PDHX: variants seen among roughly 807,000 people sequenced by gnomAD.
The protein encoded by PDHX is pyruvate dehydrogenase protein X component, mitochondrial.
A neutral mutation model predicts 55.3 loss-of-function variants in PDHX; 33 were observed. The observed-to-expected ratio is 0.60, with a 90% CI of 0.45 to 0.80. The LOEUF (loss-of-function observed/expected upper bound fraction) is 0.80, where lower values mean the gene tolerates loss of function less well. PDHX is among the 30% of genes least tolerant of loss of function. The pLI, the probability that PDHX is intolerant of heterozygous loss-of-function variation, is 0.00. For missense variants in PDHX, 622 were observed against 619.9 expected (o/e 1.00, Z -0.04); for synonymous variants, 226 against 219.4 (o/e 1.03, Z -0.27).
At position 34,978,034 on chromosome 11, in the gene PDHX, C is replaced by T. The variant is rs1590764025; in HGVS notation, c.965-90C>T. 6 of 760,764 alleles carry T rather than the reference C, an allele frequency of 7.9e-6. No individual in the cohort carries two copies. In the South Asian group the frequency reaches 9.0e-5, roughly 11 times the overall value. 47.1% of individuals were successfully genotyped at this position (760,764 alleles called of 1,614,324 possible). ...AATTTTTTATCATTGTTTGTCAGTACATTCCATAATTTACAAGTTTGAAGT... is the reference window on the plus strand; with the variant it reads ...AATTTTTTATCATTGTTTGTCAGTATATTCCATAATTTACAAGTTTGAAGT... On this transcript the variant is annotated intron_variant, in intron 7 of 10. Coordinates refer to ENST00000227868, the MANE Select transcript of PDHX (RefSeq NM_003477.3).
Position 34,995,532 on chromosome 11 carries a change from A to G in PDHX, c.*360A>G. ...ATGTATGATACATGTAAAATTAAAAAAACTATTAGAACTGTACCATAATTA... is the reference window on the plus strand; with the variant it reads ...ATGTATGATACATGTAAAATTAAAAGAACTATTAGAACTGTACCATAATTA... On this transcript the variant is annotated 3_prime_UTR_variant, in exon 11 of 11. Coordinates refer to ENST00000227868, the MANE Select transcript of PDHX (RefSeq NM_003477.3). 3.2e-6 allele frequency: 1 copy of G among 316,512 alleles called. No homozygotes were observed. Among genetic ancestry groups the G allele is most frequent in the East Asian group, 8.6e-5 (1 of 11,616 alleles). The allele number at this position is 316,512 out of a possible 1,614,324, so 19.6% of individuals were successfully genotyped here.
rs766377898 is a variant in PDHX, at chr11:34,995,092, C to T, written c.1426C>T (p.Arg476Ter). ...LITVTMSSDS[R>*]VVDDELATRF... ...AACAGTCACAATGTCAAGTGACAGTCGAGTGGTTGATGACGAACTGGCAAC... is the reference window on the plus strand; with the variant it reads ...AACAGTCACAATGTCAAGTGACAGTTGAGTGGTTGATGACGAACTGGCAAC... The change falls in exon 11 of 11, where the codon CGA becomes TGA. Residue 476 changes from arginine to a stop codon, truncating the protein, a stop_gained. Coordinates refer to ENST00000227868, the MANE Select transcript of PDHX (RefSeq NM_003477.3). LOFTEE classifies it high-confidence loss of function. 9 of 1,613,778 alleles carry T rather than the reference C, an allele frequency of 5.6e-6. No homozygotes were observed. Among genetic ancestry groups the T allele is most frequent in the East Asian group, 4.5e-5 (2 of 44,882 alleles).
At chr11:34,966,384 A>T (rs1173332276) in intron 5 of PDHX, among the ~76,000 whole-genome samples, 1 of 152,172 alleles carries the variant, frequency 6.6e-6, no homozygotes, top group Non-Finnish European at 1.5e-5. Context: ...AAAAATCACT[A>T]CTTATGCCCA....
chr11:34,939,321 T>C (rs761200623), intron 2 of PDHX, among the ~76,000 whole-genome samples: 6 of 152,250 alleles, frequency 3.9e-5, no homozygotes, highest in Admixed American at 1.3e-4. Flanking sequence ...TGAAAAATGA[T>C]AGTGTTGCAT....
At chr11:34,926,783 A>G (rs1392868121) in intron 1 of PDHX, among the ~76,000 whole-genome samples, 1 of 148,258 alleles carries the variant, frequency 6.7e-6, no homozygotes, top group Non-Finnish European at 1.5e-5. Flanking sequence ...GATAAAAGAA[A>G]TACTTTAGGG....
chr11:34,941,147 G>A (rs1854466351), intron 2 of PDHX, among the ~76,000 whole-genome samples: 2 of 152,194 alleles, frequency 1.3e-5, no homozygotes, highest in African/African-American at 2.4e-5. Flanking sequence ...TCCTACTCAT[G>A]CCTTCACCCC....
chr11:34,936,228 G>T (rs1418972871), intron 2 of PDHX, among the ~76,000 whole-genome samples: 14 of 152,136 alleles, frequency 9.2e-5, no homozygotes. Flanking sequence ...AGGAGGTATG[G>T]TGCAGTGAGG....
chr11:34,931,541 G>GTTT (rs563380006), intron 2 of PDHX, 57 bp downstream of exon 2: 461 of 741,266 alleles, frequency 6.2e-4, no homozygotes, highest in Middle Eastern at 1.0e-3. Context: ...ATTTTGTTTT[G>GTTT]TTTTTTTTTT....
intron 3 of PDHX, among the ~76,000 whole-genome samples, chr11:34,951,049 CTTTTTTTTTTTTTTT>C (rs1179399887): frequency 2.3e-5 from 2 of 88,598 alleles, no homozygotes; most frequent in South Asian, 3.7e-4. Flanking sequence ...TGTTTCCTGA[CTTTTTTTTTTTTTTT>C]TTTTTTTTTT....
chr11:34,960,378 A>T, intron 4 of PDHX, 42 bp from the exon 5 acceptor site: 1 of 1,209,144 alleles, frequency 8.3e-7, no homozygotes, highest in Non-Finnish European at 1.2e-6. Flanking sequence ...AATCAAATGT[A>T]AGTGTTAATT....
At chr11:34,922,364 T>G (rs1590726303) in intron 1 of PDHX, among the ~76,000 whole-genome samples, 1 of 152,214 alleles carries the variant, frequency 6.6e-6, no homozygotes, top group Admixed American at 6.5e-5. Context: ...TACTATATAC[T>G]ATGCACCCTT....
chr11:34,917,920 A>G lies in PDHX; in HGVS notation c.160+1105A>G, dbSNP rs117129325. Among the ~76,000 whole-genome samples the G allele has an allele frequency of 1.9e-4, 29 of 152,330 alleles. No individual in the cohort carries two copies. The East Asian group carries it at 5.2e-3, about 27-fold the overall frequency. ...TTCGGTCTGGTCTGGTGTGGGGCTC[A>G]GGAATCTGCATTTTACAAATGTTGG... On this transcript the variant is annotated intron_variant, in intron 1 of 10. Coordinates refer to ENST00000227868, the MANE Select transcript of PDHX (RefSeq NM_003477.3).
intron 7 of PDHX, among the ~76,000 whole-genome samples, chr11:34,974,714 C>T (rs1388596901): frequency 6.6e-6 from 1 of 152,038 alleles, no homozygotes; most frequent in African/African-American, 2.4e-5. Context: ...TCGAGACCTG[C>T]CTGGGAAACA....
chr11:34,961,519 T>C (rs944407392), intron 5 of PDHX, among the ~76,000 whole-genome samples: 1 of 152,186 alleles, frequency 6.6e-6, no homozygotes, highest in African/African-American at 2.4e-5. Context: ...TAAAAAATAA[T>C]ATTGGCCAGA....
chr11:34,940,208 C>CA (rs1202807441), intron 2 of PDHX, among the ~76,000 whole-genome samples: 20 of 152,266 alleles, frequency 1.3e-4, no homozygotes, highest in Admixed American at 6.5e-4. Context: ...CTTAGCCACA[C>CA]CCACAGTGCC....
chr11:34,989,973 G>C (rs936313157), intron 9 of PDHX, among the ~76,000 whole-genome samples: 2 of 152,020 alleles, frequency 1.3e-5, no homozygotes, highest in Non-Finnish European at 1.5e-5. Flanking sequence ...AGAGTTTGTG[G>C]CTCTCTGCAG....
chr11:34,936,424 C>CAG (rs1257443218), intron 2 of PDHX, among the ~76,000 whole-genome samples: 1 of 152,100 alleles, frequency 6.6e-6, no homozygotes, highest in East Asian at 1.9e-4. Flanking sequence ...AAGGTAATGG[C>CAG]AGAGGGGAAA....
chr11:34,922,864 T>TTGTG (rs60096111), intron 1 of PDHX, among the ~76,000 whole-genome samples: 8,106 of 143,376 alleles, frequency 0.057, 527 homozygotes, highest in African/African-American at 0.16. Flanking sequence ...CAAAGTATCG[T>TTGTG]TGTGTGTGTG....
intron 8 of PDHX, among the ~76,000 whole-genome samples, chr11:34,980,455 G>T (rs1173714648): frequency 7.1e-6 from 1 of 140,098 alleles, no homozygotes; most frequent in Non-Finnish European, 1.5e-5. Flanking sequence ...TAAGATAATA[G>T]ATTTTTAATG....
Sources: allele counts gnomAD v4.1 joint callset (sites outside exome capture counted in the v4.1 genomes callset), GRCh38; gene constraint gnomAD v4.1.1; transcripts MANE v1.5; gene names NCBI Gene and HGNC (gene_info 2026-07-23, HGNC 2026-07-21).